METTL14: variants seen among roughly 807,000 people sequenced by gnomAD.
METTL14 encodes methyltransferase 14, N6-adenosine-methyltransferase non-catalytic subunit.
In METTL14, 32 loss-of-function variants were observed where a neutral mutation model predicts 62.4. The ratio of observed to expected loss-of-function variants is 0.51; its 90% CI spans 0.39 to 0.69. METTL14 has a LOEUF of 0.69. METTL14 is among the 30% of genes least tolerant of loss of function. The probability of loss-of-function intolerance (pLI) is 0.00; values close to 1 mark genes in which losing one functional copy is unlikely to be tolerated. For synonymous variants in METTL14, 150 were observed against 180.0 expected, an observed-to-expected ratio of 0.83 and a Z score of 1.34; for missense variants, 340 against 551.9, an observed-to-expected ratio of 0.62 and a Z score of 3.85.
chr4:118,689,980 G>T lies in METTL14; in HGVS notation c.243+523G>T, dbSNP rs536330842. ...GCAAGAGTTATGTGGATTAAATGAG[G>T]TTATATATATGAGGCACTTAGCATA... On this transcript the variant is annotated intron_variant, in intron 3 of 10. Transcript: ENST00000388822. Among the ~76,000 whole-genome samples the T allele has an allele frequency of 3.4e-5, 5 of 148,122 alleles. No homozygotes were observed. In the East Asian group the frequency reaches 8.1e-4, roughly 24 times the overall value.
chr4:118,691,886 G>T, intron 4 of METTL14, 95 bp from the exon 5 acceptor site: 1 of 780,044 alleles, frequency 1.3e-6, no homozygotes, highest in East Asian at 2.7e-5. Flanking sequence ...TCAATTGATT[G>T]CATTTTATAT....
chr4:118,689,648 C>CTTT (rs70941199), intron 3 of METTL14, among the ~76,000 whole-genome samples, 191 bp downstream of exon 3: 3 of 143,642 alleles, frequency 2.1e-5, no homozygotes, highest in Admixed American at 7.0e-5. Context: ...TTTTCTTTTC[C>CTTT]TTTTTTTTTT....
At chr4:118,695,608 A>G (rs1296078141) in intron 6 of METTL14, among the ~76,000 whole-genome samples, 1 of 152,208 alleles carries the variant, frequency 6.6e-6, no homozygotes, top group East Asian at 1.9e-4. Flanking sequence ...TGTTTGTTAA[A>G]GGAAGCTTAG....
chr4:118,690,505 C>G (rs1331740954), intron 3 of METTL14, among the ~76,000 whole-genome samples: 1 of 151,568 alleles, frequency 6.6e-6, no homozygotes, highest in Non-Finnish European at 1.5e-5. Context: ...ATGGTGAAAC[C>G]CTGTCTCTAC....
Position 118,687,904 on chromosome 4 carries a change from T to C in METTL14, c.67-19T>C, listed in dbSNP as rs1724123650. ...ATCCAGTGCATTGCAATCTAATTTC[T>C]GATTTTGTCTTTTCTCAGTTGGGAG... is the stretch of plus-strand genomic sequence containing the variant. On this transcript the variant is annotated intron_variant, in intron 1 of 10. Transcript: ENST00000388822. The C allele has an allele frequency of 6.2e-7, 1 of 1,610,082 alleles. No homozygotes were observed. Among genetic ancestry groups the C allele is most frequent in the Admixed American group, 1.7e-5 (1 of 59,618 alleles).
Position 118,685,479 on chromosome 4 carries a change from A to T in METTL14, c.-56A>T, listed in dbSNP as rs1443262989. On this transcript the variant is annotated 5_prime_UTR_variant, in exon 1 of 11. Transcript: ENST00000388822. ...CACAGACTCGGAAGAAAGGTTGGATAAGAGTTCACTGGAGATTGACAAGTA... is the reference window on the plus strand; with the variant it reads ...CACAGACTCGGAAGAAAGGTTGGATTAGAGTTCACTGGAGATTGACAAGTA... The T allele has an allele frequency of 6.6e-7, 1 of 1,519,354 alleles. No individual in the cohort carries two copies. Among genetic ancestry groups the T allele is most frequent in the Non-Finnish European group, 9.1e-7 (1 of 1,093,618 alleles). The allele number at this position is 1,519,354 out of a possible 1,614,324, so 94.1% of individuals were successfully genotyped here.
At chr4:118,690,693 A>C (rs547627509) in intron 3 of METTL14, among the ~76,000 whole-genome samples, 3 of 152,074 alleles carry the variant, frequency 2.0e-5, no homozygotes, top group South Asian at 4.2e-4. Context: ...AAAAAAAAAA[A>C]AACACAAAAC....
intron 2 of METTL14, 73 bp downstream of exon 2, chr4:118,688,084 G>A: frequency 1.6e-6 from 2 of 1,237,390 alleles, no homozygotes; most frequent in Non-Finnish European, 2.3e-6. Flanking sequence ...TGGATAGGCT[G>A]GAGTACAGTA....
Position 118,710,117 on chromosome 4 carries a change from C to T in METTL14, c.1186C>T (p.Arg396Ter). 2 of 1,614,162 alleles carry T rather than the reference C, an allele frequency of 1.2e-6. No homozygotes were observed. The highest frequency in any genetic ancestry group is 1.7e-6 in the Non-Finnish European group (2 of 1,180,026). ...TTGTACAGAAGAAATTGAGAGACTT[C>T]GACCAAAATCGCCTCCTCCCAAATC... is the stretch of plus-strand genomic sequence containing the variant. ...TGCTEEIERL[R>*]PKSPPPKSKS... The change falls in exon 11 of 11, where the codon CGA becomes TGA. Residue 396 changes from arginine to a stop codon, truncating the protein, a stop_gained. Coordinates refer to ENST00000388822, the MANE Select transcript of METTL14 (RefSeq NM_020961.4). LOFTEE classifies it high-confidence loss of function.
At chr4:118,705,912 T>A in intron 10 of METTL14, 91 bp downstream of exon 10, 3 of 998,362 alleles carry the variant, frequency 3.0e-6, no homozygotes, top group South Asian at 3.0e-5. Flanking sequence ...AAAGTTCTTA[T>A]GCATTTGATT....
rs1403700739 is a variant in METTL14 at position 118,688,436 on chromosome 4, C to G, written c.155+425C>G. On this transcript the variant is annotated intron_variant, in intron 2 of 10. Transcript: ENST00000388822. ...CAGCCTGGGAGACAGAGTGAGACTC[C>G]GTCTCAAAAAAAAAAAAAAAATGTG... Among the ~76,000 whole-genome samples the G allele has an allele frequency of 3.9e-5, 4 of 102,504 alleles. No individual in the cohort carries two copies. The East Asian group carries it at 9.5e-4, about 24-fold the overall frequency. The allele number at this position is 102,504 out of a possible 152,430, so 67.2% of individuals were successfully genotyped here. A position where few individuals can be genotyped will look rare whatever the true frequency, so the allele number is the denominator to read the frequency against.
intron 10 of METTL14, among the ~76,000 whole-genome samples, chr4:118,707,822 ACT>A (rs1724801034): frequency 6.6e-6 from 1 of 150,842 alleles, no homozygotes; most frequent in South Asian, 2.1e-4. Flanking sequence ...AGTCAAATAC[ACT>A]CTGAAGCCAG....
rs397816626 is a variant in METTL14, at chr4:118,694,066, A to ATTT, written c.413-356_413-354dup. Among the ~76,000 whole-genome samples the ATTT allele has an allele frequency of 2.3e-3, 308 of 136,714 alleles. 1 individual carries two copies. The highest frequency in any genetic ancestry group is 7.9e-3 in the African/African-American group (290 of 36,826). The allele number at this position is 136,714 out of a possible 152,430, so 89.7% of individuals were successfully genotyped here. On this transcript the variant is annotated intron_variant, in intron 5 of 10. Transcript: ENST00000388822. ...AACAATCAGGTTCTTTAGGATAAGGATTTTTTTTTTTTTTTTAGCTAAGAG... is the reference window on the plus strand; with the variant it reads ...AACAATCAGGTTCTTTAGGATAAGGATTTTTTTTTTTTTTTTTTTAGCTAAGAG...
intron 9 of METTL14, among the ~76,000 whole-genome samples, chr4:118,704,556 T>G (rs1371511537): frequency 1.3e-5 from 2 of 152,190 alleles, no homozygotes; most frequent in Admixed American, 1.3e-4. Context: ...AAGTCTTTTT[T>G]GTACTGGAAT....
chr4:118,685,455 A>C lies in METTL14; in HGVS notation c.-80A>C, dbSNP rs947191241. ...GTAAGCTCCCGGTGAATTTTGTTCC[A>C]CAGACTCGGAAGAAAGGTTGGATAA... On this transcript the variant is annotated 5_prime_UTR_variant, in exon 1 of 11. Transcript: ENST00000388822. The C allele has an allele frequency of 4.3e-6, 6 of 1,404,116 alleles. No individual in the cohort carries two copies. Among genetic ancestry groups the C allele is most frequent in the Non-Finnish European group, 6.1e-6 (6 of 989,140 alleles). The allele number at this position is 1,404,116 out of a possible 1,614,324, so 87.0% of individuals were successfully genotyped here.
intron 7 of METTL14, among the ~76,000 whole-genome samples, 187 bp from the exon 8 acceptor site, chr4:118,700,363 A>C (rs555449120): frequency 2.6e-5 from 4 of 152,294 alleles, no homozygotes; most frequent in African/African-American, 9.6e-5. Context: ...TGTTGTTTGT[A>C]TATAAAGTAA....
intron 7 of METTL14, 141 bp from the exon 8 acceptor site, chr4:118,700,409 T>C: frequency 3.3e-6 from 2 of 607,104 alleles, no homozygotes; most frequent in Non-Finnish European, 5.7e-6. Context: ...AGGATAACAT[T>C]TATTTTCTGT....
rs762709063 is a variant in METTL14, at chr4:118,710,323, A to G, written c.*21A>G. On this transcript the variant is annotated 3_prime_UTR_variant, in exon 11 of 11. Coordinates refer to ENST00000388822, the MANE Select transcript of METTL14 (RefSeq NM_020961.4). ...GATAATTGTTGAAGACATTGAACCT[A>G]TTCATCCTCCTCTAACCTTCTTTAT... 36 of 1,588,782 alleles carry G rather than the reference A, an allele frequency of 2.3e-5. No individual in the cohort carries two copies. The South Asian group carries it at 3.9e-4, about 17-fold the overall frequency.
intron 10 of METTL14, among the ~76,000 whole-genome samples, chr4:118,708,620 A>C (rs910461548): frequency 2.6e-5 from 4 of 152,248 alleles, no homozygotes; most frequent in African/African-American, 9.6e-5. Context: ...CAATGAACTA[A>C]GTATTGTACA....
Sources: gnomAD v4.1 joint callset for allele counts (sites outside exome capture counted in the v4.1 genomes callset) on GRCh38, gnomAD v4.1.1 for gene constraint, MANE v1.5 for transcripts, NCBI Gene and HGNC (gene_info 2026-07-23, HGNC 2026-07-21) for gene names.